Variants in ZDHHC15 observed in about 807,000 individuals in gnomAD.
ZDHHC15 encodes palmitoyltransferase ZDHHC15.
ZDHHC15 carries 19 observed loss-of-function variants against 31.7 expected under a neutral mutation model. The observed-to-expected ratio is 0.60, with a 90% CI of 0.42 to 0.88. The LOEUF (loss-of-function observed/expected upper bound fraction) is 0.88. ZDHHC15 is among the 40% of genes least tolerant of loss of function. The pLI is 0.00. For synonymous variants in ZDHHC15, 103 were observed against 90.0 expected (o/e 1.14, Z -0.82); for missense variants, 209 against 251.2 (o/e 0.83, Z 1.14).
chrX:75,446,153 A>G (rs1172951659), intron 4 of ZDHHC15, among the ~76,000 whole-genome samples: 1 of 112,303 alleles, frequency 8.9e-6, no homozygotes, highest in Non-Finnish European at 1.9e-5. Context: ...CTAATGTTGG[A>G]AAAAACATAA....
At position 75,399,868 on chromosome X, in the gene ZDHHC15, T is replaced by C. The variant is rs1602565079; in HGVS notation, c.967+17219A>G. Reference sequence around the variant, plus strand: ...CCAAAACTTCAACACCAAAAATTCATCACTAAAATAACCCCCTCTGATACC... The same window carrying C: ...CCAAAACTTCAACACCAAAAATTCACCACTAAAATAACCCCCTCTGATACC... On this transcript the variant is annotated intron_variant, in intron 10 of 11. Transcript: ENST00000373367. Among the ~76,000 whole-genome samples, 4 of 111,153 alleles carry C rather than the reference T, an allele frequency of 3.6e-5. No individual in the cohort carries two copies. In the East Asian group the frequency reaches 8.5e-4, roughly 24 times the overall value.
At chrX:75,516,327 T>A (rs1387903856) in intron 1 of ZDHHC15, among the ~76,000 whole-genome samples, 1 of 112,076 alleles carries the variant, frequency 8.9e-6, no homozygotes, top group African/African-American at 3.2e-5. Flanking sequence ...GCTACCTGAC[T>A]TCAAACTATA....
rs191461394 is a variant in ZDHHC15, at chrX:75,431,956, C to A, written c.380-436G>T. ...TAAAACATGGTAAAGAGAGTGGTTT[C>A]TAGAATAATAATTTGGGGAACAGAA... On this transcript the variant is annotated intron_variant, in intron 4 of 11. Coordinates refer to ENST00000373367, the MANE Select transcript of ZDHHC15 (RefSeq NM_144969.3). Among the ~76,000 whole-genome samples the A allele has an allele frequency of 8.5e-3, 946 of 111,373 alleles. 14 individuals are homozygous for A. Among genetic ancestry groups the A allele is most frequent in the African/African-American group, 0.03 (913 of 30,687 alleles).
chrX:75,369,110 C>T lies in ZDHHC15; in HGVS notation c.*3868G>A, dbSNP rs530442634. 5 of 111,912 alleles carry T rather than the reference C, an allele frequency of 4.5e-5. No individual in the cohort carries two copies. The South Asian group carries it at 1.9e-3, about 42-fold the overall frequency. The allele number at this position is 111,912 out of a possible 1,213,427, so 9.2% of individuals were successfully genotyped here. The stretch of plus-strand genomic sequence containing the variant: ...AAGGGCCTGACAATCTCATTAGATG[C>T]CCCCTGTGCTTCTCCATAGAACGTC... On this transcript the variant is annotated 3_prime_UTR_variant, in exon 12 of 12. Transcript: ENST00000373367.
At chrX:75,373,597 G>T (rs1442004006) in intron 11 of ZDHHC15, among the ~76,000 whole-genome samples, 1 of 111,428 alleles carries the variant, frequency 9.0e-6, no homozygotes, top group African/African-American at 3.3e-5. Context: ...TGAGGAGAAA[G>T]ATTTATGTTT....
chrX:75,516,361 C>T (rs1481263238), intron 1 of ZDHHC15, among the ~76,000 whole-genome samples: 1 of 112,097 alleles, frequency 8.9e-6, no homozygotes, highest in Non-Finnish European at 1.9e-5. Context: ...GTAACCAAAA[C>T]AGTATAGTAC....
At chrX:75,455,349 C>A (rs1169360567) in intron 3 of ZDHHC15, among the ~76,000 whole-genome samples, 1 of 111,794 alleles carries the variant, frequency 8.9e-6, no homozygotes, top group Non-Finnish European at 1.9e-5. Context: ...CTTCCTTACA[C>A]CTTGTACAAA....
chrX:75,431,797 T>C (rs2083783584), intron 4 of ZDHHC15, among the ~76,000 whole-genome samples: 1 of 111,613 alleles, frequency 9.0e-6, no homozygotes, highest in Non-Finnish European at 1.9e-5. Context: ...AAACAAACTA[T>C]ACTATCAAAT....
chrX:75,440,030 T>C (rs1462165464), intron 4 of ZDHHC15, among the ~76,000 whole-genome samples: 1 of 111,761 alleles, frequency 8.9e-6, no homozygotes, highest in African/African-American at 3.3e-5. Flanking sequence ...CATCTTCAGT[T>C]CTCTCAGTCA....
At chrX:75,508,953 A>C (rs1306809996) in intron 1 of ZDHHC15, among the ~76,000 whole-genome samples, 1 of 111,080 alleles carries the variant, frequency 9.0e-6, no homozygotes, top group Non-Finnish European at 1.9e-5. Context: ...TTCTTTTGAG[A>C]AGTGTCTGTT....
At chrX:75,508,505 C>T (rs931685019) in intron 1 of ZDHHC15, among the ~76,000 whole-genome samples, 1 of 109,096 alleles carries the variant, frequency 9.2e-6, no homozygotes, top group African/African-American at 3.3e-5. Context: ...GCATAGTATT[C>T]CATGGTGTAT....
At chrX:75,485,771 C>A (rs1448778343) in intron 2 of ZDHHC15, among the ~76,000 whole-genome samples, 1 of 112,443 alleles carries the variant, frequency 8.9e-6, no homozygotes, top group Non-Finnish European at 1.9e-5. Flanking sequence ...CCAAAGCTCA[C>A]TCCATCCGTA....
chrX:75,508,258 T>A (rs957049352), intron 1 of ZDHHC15, among the ~76,000 whole-genome samples: 7 of 105,399 alleles, frequency 6.6e-5, no homozygotes, highest in Non-Finnish European at 1.4e-4. Context: ...AACTCGTCAT[T>A]TACATTAGGT....
intron 10 of ZDHHC15, among the ~76,000 whole-genome samples, chrX:75,389,393 C>T (rs1252022589): frequency 1.8e-5 from 2 of 109,715 alleles, no homozygotes; most frequent in African/African-American, 6.6e-5. Context: ...CAAGGGATTG[C>T]TTGTGTAACC....
intron 3 of ZDHHC15, among the ~76,000 whole-genome samples, chrX:75,476,215 C>T (rs2084602472): frequency 9.1e-6 from 1 of 109,798 alleles, no homozygotes; most frequent in Non-Finnish European, 1.9e-5. Flanking sequence ...ATTTGATTTT[C>T]TTGCCTACTT....
At chrX:75,465,674 C>T (rs775522529) in intron 3 of ZDHHC15, among the ~76,000 whole-genome samples, 2 of 111,303 alleles carry the variant, frequency 1.8e-5, no homozygotes, top group East Asian at 2.8e-4. Flanking sequence ...CTTTGACAAA[C>T]CTGACAAAAA....
chrX:75,481,166 G>A lies in ZDHHC15; in HGVS notation c.164-2181C>T, dbSNP rs146367540. Among the ~76,000 whole-genome samples the A allele has an allele frequency of 3.0e-3, 327 of 110,689 alleles. 1 individual carries two copies. Among genetic ancestry groups the A allele is most frequent in the African/African-American group, 9.8e-3 (298 of 30,458 alleles). ...TTCTTTGATTTTATGAGGTTTGTAC[G>A]GGGAAAATTACATGACTAAGTTATG... is the stretch of plus-strand genomic sequence containing the variant. On this transcript the variant is annotated intron_variant, in intron 2 of 11. Coordinates refer to ENST00000373367, the MANE Select transcript of ZDHHC15 (RefSeq NM_144969.3).
chrX:75,382,693 C>T (rs981904247), intron 10 of ZDHHC15, among the ~76,000 whole-genome samples: 3 of 111,874 alleles, frequency 2.7e-5, no homozygotes, highest in East Asian at 2.8e-4. Flanking sequence ...TTTACAGTGG[C>T]CTCTAGATTA....
intron 2 of ZDHHC15, among the ~76,000 whole-genome samples, chrX:75,483,103 G>A: frequency 1.0e-5 from 1 of 99,905 alleles, no homozygotes; most frequent in Non-Finnish European, 2.0e-5. Flanking sequence ...ATATATATAT[G>A]ATTAAAATAC....
Sources: allele counts gnomAD v4.1 joint callset (sites outside exome capture counted in the v4.1 genomes callset), GRCh38; gene constraint gnomAD v4.1.1; transcripts MANE v1.5; gene names NCBI Gene and HGNC (gene_info 2026-07-23, HGNC 2026-07-21).